The following PTPRD variants were observed in gnomAD, a reference collection of about 807,000 sequenced individuals.
PTPRD encodes the protein protein tyrosine phosphatase receptor type D.
PTPRD carries 34 observed loss-of-function variants against 214.5 expected under a neutral mutation model. That is an observed-to-expected ratio of 0.16 (90% CI 0.12 to 0.21). The LOEUF is 0.21. Ranked by LOEUF, PTPRD falls within the 10% of genes least tolerant of loss-of-function variation. PTPRD has a pLI of 1.00. For synonymous variants in PTPRD, 1,128 were observed against 845.7 expected (o/e 1.33, Z -5.79); for missense variants, 2,545 against 2,398.7 (o/e 1.06, Z -1.27).
At chr9:9,444,664 G>C (rs1028413077) in intron 8 of PTPRD, among the ~76,000 whole-genome samples, 5 of 152,038 alleles carry the variant, frequency 3.3e-5, no homozygotes, top group African/African-American at 1.2e-4. Flanking sequence ...AGTTAGACTG[G>C]GGTAGGAGTT....
intron 3 of PTPRD, among the ~76,000 whole-genome samples, chr9:10,283,448 T>G (rs561668550): frequency 9.1e-4 from 138 of 152,342 alleles, no homozygotes; most frequent in South Asian, 3.5e-3. Context: ...AAATATTTGT[T>G]GAGTAAGTTA....
rs147676490 is a variant in PTPRD, at chr9:8,489,536, T to C, written c.2468-3187A>G. Among the ~76,000 whole-genome samples the C allele has an allele frequency of 1.2e-3, 183 of 152,292 alleles. 5 individuals carry two copies. The East Asian group carries it at 0.025, about 20-fold the overall frequency. ...GACTCAGTAAAGAAATGAATGCTTA[T>C]GCAGCTTGGGGAAGAACACCCAATA... On this transcript the variant is annotated intron_variant, in intron 27 of 45. Coordinates refer to ENST00000381196, the MANE Select transcript of PTPRD (RefSeq NM_002839.4).
intron 11 of PTPRD, among the ~76,000 whole-genome samples, chr9:8,833,878 T>C (rs536470645): frequency 6.6e-6 from 1 of 152,138 alleles, no homozygotes; most frequent in African/African-American, 2.4e-5. Context: ...CTATATACTG[T>C]ACCATTTACA....
At chr9:10,587,309 T>C (rs2074180361) in intron 2 of PTPRD, among the ~76,000 whole-genome samples, 3 of 152,090 alleles carry the variant, frequency 2.0e-5, no homozygotes, top group Admixed American at 2.0e-4. Context: ...AAAACTATCG[T>C]CTGGATAAAA....
At chr9:8,526,738 AT>A in intron 16 of PTPRD, 94 bp from the exon 17 acceptor site, 3 of 998,984 alleles carry the variant, frequency 3.0e-6, no homozygotes, top group Non-Finnish European at 4.4e-6. Context: ...ATTAAATTAG[AT>A]TTACAGAATT....
chr9:8,919,179 G>T (rs2098807555), intron 11 of PTPRD, among the ~76,000 whole-genome samples: 1 of 152,084 alleles, frequency 6.6e-6, no homozygotes, highest in African/African-American at 2.4e-5. Flanking sequence ...GATCACCCGA[G>T]GTCAGGAGTT....
chr9:10,501,239 G>C (rs1032400559), intron 2 of PTPRD, among the ~76,000 whole-genome samples: 16 of 151,932 alleles, frequency 1.1e-4, no homozygotes, highest in African/African-American at 3.6e-4. Flanking sequence ...CATTTTAACT[G>C]GGGTGAGATG....
At chr9:10,258,137 T>C (rs1460925971) in intron 3 of PTPRD, among the ~76,000 whole-genome samples, 1 of 152,210 alleles carries the variant, frequency 6.6e-6, no homozygotes, top group East Asian at 1.9e-4. Flanking sequence ...TTGGATGTAT[T>C]ATCCCAACAG....
At chr9:8,883,191 G>A (rs2098460812) in intron 11 of PTPRD, among the ~76,000 whole-genome samples, 1 of 152,162 alleles carries the variant, frequency 6.6e-6, no homozygotes, top group Admixed American at 6.6e-5. Context: ...CAATCTTGCA[G>A]AGCACTGCAC....
intron 39 of PTPRD, among the ~76,000 whole-genome samples, chr9:8,363,749 T>C (rs1268592642): frequency 1.3e-5 from 2 of 152,170 alleles, no homozygotes; most frequent in Non-Finnish European, 2.9e-5. Context: ...TCCAGCAACT[T>C]AGGAGAGTTT....
At chr9:9,603,764 C>T (rs1286566737) in intron 7 of PTPRD, among the ~76,000 whole-genome samples, 4 of 152,044 alleles carry the variant, frequency 2.6e-5, no homozygotes, top group South Asian at 2.1e-4. Context: ...TCCCTGGTGG[C>T]CAAAAGTTTG....
chr9:8,590,241 AAATG>A (rs2093995417), intron 14 of PTPRD, among the ~76,000 whole-genome samples: 1 of 152,194 alleles, frequency 6.6e-6, no homozygotes, highest in South Asian at 2.1e-4. Flanking sequence ...GCTCAAGAAA[AAATG>A]AATGAAGTTC....
At chr9:9,195,496 G>A (rs1203947760) in intron 9 of PTPRD, among the ~76,000 whole-genome samples, 1 of 152,050 alleles carries the variant, frequency 6.6e-6, no homozygotes, top group African/African-American at 2.4e-5. Flanking sequence ...AGTAGGGACT[G>A]TGCTGGTCTG....
intron 5 of PTPRD, among the ~76,000 whole-genome samples, chr9:9,913,255 C>G (rs980514409): frequency 2.6e-5 from 4 of 152,068 alleles, no homozygotes; most frequent in Non-Finnish European, 4.4e-5. Context: ...TATAAATTTC[C>G]TTAATCTTTG....
chr9:8,666,043 T>TC (rs1249173217), intron 12 of PTPRD, among the ~76,000 whole-genome samples: 1 of 151,656 alleles, frequency 6.6e-6, no homozygotes, highest in Non-Finnish European at 1.5e-5. Flanking sequence ...ATAACTGTTT[T>TC]TTTTTTTTCT....
chr9:9,176,189 G>C (rs988590622), intron 10 of PTPRD, among the ~76,000 whole-genome samples: 2 of 152,152 alleles, frequency 1.3e-5, no homozygotes, highest in Non-Finnish European at 2.9e-5. Flanking sequence ...CAGCTTGCTG[G>C]TCTAATTGTT....
At chr9:10,435,450 G>T (rs562874442) in intron 2 of PTPRD, among the ~76,000 whole-genome samples, 1 of 151,808 alleles carries the variant, frequency 6.6e-6, no homozygotes, top group Admixed American at 6.6e-5. Flanking sequence ...ATTTGCTCAT[G>T]GTCTTATGAG....
At chr9:10,489,227 C>T (rs1444376558) in intron 2 of PTPRD, among the ~76,000 whole-genome samples, 1 of 152,108 alleles carries the variant, frequency 6.6e-6, no homozygotes, top group African/African-American at 2.4e-5. Context: ...TATCCTTCTG[C>T]CCCTGGGTGT....
intron 3 of PTPRD, among the ~76,000 whole-genome samples, chr9:10,186,547 A>T (rs573337830): frequency 6.6e-6 from 1 of 152,166 alleles, no homozygotes; most frequent in Non-Finnish European, 1.5e-5. Flanking sequence ...AAACAGAATT[A>T]ACACTGAACC....
Sources: allele counts gnomAD v4.1 joint callset (sites outside exome capture counted in the v4.1 genomes callset), GRCh38; gene constraint gnomAD v4.1.1; transcripts MANE v1.5; gene names NCBI Gene and HGNC (gene_info 2026-07-23, HGNC 2026-07-21).